Variants in LRBA observed in about 807,000 individuals in gnomAD.
LRBA encodes the protein lipopolysaccharide-responsive and beige-like anchor protein.
In LRBA, 176 loss-of-function variants were observed where a neutral mutation model predicts 330.0. The observed-to-expected ratio is 0.53, with a 90% CI of 0.47 to 0.60. The LOEUF is 0.60. Ranked by LOEUF, LRBA falls within the 20% of genes least tolerant of loss-of-function variation. LRBA has a pLI of 0.00. For missense variants in LRBA, 3,259 were observed against 3,444.8 expected, an observed-to-expected ratio of 0.95 and a Z score of 1.35; for synonymous variants, 1,230 against 1,193.0, an observed-to-expected ratio of 1.03 and a Z score of -0.64.
At chr4:150,630,548 T>C (rs930414306) in intron 37 of LRBA, among the ~76,000 whole-genome samples, 1 of 150,362 alleles carries the variant, frequency 6.7e-6, no homozygotes, top group Non-Finnish European at 1.5e-5. Context: ...ACACATACTG[T>C]AGTTTATGTC....
At chr4:150,680,955 A>G (rs531324621) in intron 37 of LRBA, among the ~76,000 whole-genome samples, 21 of 152,332 alleles carry the variant, frequency 1.4e-4, no homozygotes, top group African/African-American at 4.6e-4. Flanking sequence ...CCATGGCTAC[A>G]AGCAAATTAC....
chr4:150,592,035 G>C (rs1179590065), intron 38 of LRBA, among the ~76,000 whole-genome samples: 1 of 150,238 alleles, frequency 6.7e-6, no homozygotes, highest in Non-Finnish European at 1.5e-5. Context: ...ATAAGGGAAA[G>C]TTAAGAATCT....
At chr4:150,529,348 G>A (rs893894739) in intron 40 of LRBA, among the ~76,000 whole-genome samples, 1 of 152,120 alleles carries the variant, frequency 6.6e-6, no homozygotes, top group South Asian at 2.1e-4. Context: ...CAAGTATTTT[G>A]TTAATTAGGA....
At chr4:150,489,597 G>T (rs1416074853) in intron 41 of LRBA, among the ~76,000 whole-genome samples, 2 of 54,666 alleles carry the variant, frequency 3.7e-5, no homozygotes, top group African/African-American at 5.7e-5. Context: ...TATTATATAA[G>T]AATATATAAT....
chr4:150,836,865 T>C (rs1325129091), intron 28 of LRBA, among the ~76,000 whole-genome samples: 1 of 152,244 alleles, frequency 6.6e-6, no homozygotes, highest in African/African-American at 2.4e-5. Context: ...CTTGCTTCTC[T>C]AATTATTTTA....
intron 47 of LRBA, among the ~76,000 whole-genome samples, chr4:150,410,903 A>C (rs1746895409): frequency 6.6e-6 from 1 of 152,170 alleles, no homozygotes; most frequent in African/African-American, 2.4e-5. Flanking sequence ...AAGAGGCAGT[A>C]TAATATGTAG....
intron 22 of LRBA, among the ~76,000 whole-genome samples, chr4:150,860,247 T>A (rs181340011): frequency 6.6e-6 from 1 of 152,152 alleles, no homozygotes; most frequent in Non-Finnish European, 1.5e-5. Flanking sequence ...GGTGAACAAA[T>A]GTAAGAACCA....
In LRBA at chr4:150,798,111, A is replaced by G. The variant is rs1129998; in HGVS notation, c.5550T>C (p.Val1850=). ...SLVCMKSSSS[V]VELVMLLCSQ... ...AACACAGTAGCATAACCAATTCCAC[A>G]ACTGAACTACTCGACTTCATGCAAA... Residue 1850 remains valine (V), a synonymous_variant, in exon 34 of 57, where the codon GTT becomes GTC. Coordinates refer to ENST00000651943, the MANE Select transcript of LRBA (RefSeq NM_001364905.1). 350,127 of 1,603,866 alleles carry G rather than the reference A, an allele frequency of 0.22. 41,972 individuals carry two copies. Among genetic ancestry groups the G allele is most frequent in the Non-Finnish European group, 0.24 (286,700 of 1,171,022 alleles).
chr4:150,916,981 G>A (rs772794904), intron 5 of LRBA, among the ~76,000 whole-genome samples: 14 of 152,008 alleles, frequency 9.2e-5, no homozygotes, highest in Admixed American at 5.2e-4. Flanking sequence ...GTGAAACCCC[G>A]TCTCTACTAA....
chr4:150,493,009 C>T (rs1266753912), intron 40 of LRBA, among the ~76,000 whole-genome samples: 1 of 152,198 alleles, frequency 6.6e-6, no homozygotes, highest in East Asian at 1.9e-4. Flanking sequence ...AAGACAGGGT[C>T]TTACTCTGTC....
Position 150,956,679 on chromosome 4 carries a change from A to G in LRBA, c.217-27614T>C, listed in dbSNP as rs201329427. Among the ~76,000 whole-genome samples, 33 of 149,450 alleles carry G rather than the reference A, an allele frequency of 2.2e-4. 1 individual carries two copies. In the East Asian group the frequency reaches 6.2e-3, roughly 28 times the overall value. On this transcript the variant is annotated intron_variant, in intron 2 of 56. Coordinates refer to ENST00000651943, the MANE Select transcript of LRBA (RefSeq NM_001364905.1). ...GAACATATAAAAACAGTTATACACT[A>G]TGACTAAATGAGATTTATTCCAGGA...
At chr4:150,372,903 T>C (rs1450010258) in intron 47 of LRBA, among the ~76,000 whole-genome samples, 1 of 151,610 alleles carries the variant, frequency 6.6e-6, no homozygotes, top group East Asian at 1.9e-4. Context: ...AGACTAGTCA[T>C]AAAAGATATT....
At chr4:150,804,056 C>A (rs1174372884) in intron 33 of LRBA, among the ~76,000 whole-genome samples, 2 of 151,586 alleles carry the variant, frequency 1.3e-5, no homozygotes, top group African/African-American at 2.4e-5. Flanking sequence ...AGTTGTTACA[C>A]CATTTAAAAA....
rs1384014823 is a variant in LRBA at position 150,516,215 on chromosome 4, C to CTTTTTTTTTTTTTTTTTTT, written c.6331-25181_6331-25180insAAAAAAAAAAAAAAAAAAA. Among the ~76,000 whole-genome samples the CTTTTTTTTTTTTTTTTTTT allele has an allele frequency of 4.6e-4, 40 of 86,674 alleles. 19 individuals are homozygous for CTTTTTTTTTTTTTTTTTTT. Among genetic ancestry groups the CTTTTTTTTTTTTTTTTTTT allele is most frequent in the Non-Finnish European group, 5.5e-4 (25 of 45,152 alleles). The allele number at this position is 86,674 out of a possible 152,430, so 56.9% of individuals were successfully genotyped here. A position where few individuals can be genotyped will look rare whatever the true frequency, so the allele number is the denominator to read the frequency against. On this transcript the variant is annotated intron_variant, in intron 40 of 56. Transcript: ENST00000651943. ...GTAATTCAGTCTGACATTTTCTATT[C>CTTTTTTTTTTTTTTTTTTT]TCTTTTTTTTTTTTTTTTTTTTTTT...
At chr4:150,364,235 C>T (rs185534266) in intron 47 of LRBA, among the ~76,000 whole-genome samples, 74 of 152,290 alleles carry the variant, frequency 4.9e-4, no homozygotes, top group African/African-American at 1.7e-3. Context: ...ACTAAACAAC[C>T]ACCACCACAC....
chr4:150,861,273 GT>G (rs1751900842), intron 22 of LRBA, among the ~76,000 whole-genome samples: 1 of 110,188 alleles, frequency 9.1e-6, no homozygotes. Context: ...AGCTAATGGT[GT>G]GTGTGTGTGT....
At chr4:150,698,099 G>C (rs1161956903) in intron 36 of LRBA, among the ~76,000 whole-genome samples, 2 of 151,982 alleles carry the variant, frequency 1.3e-5, no homozygotes, top group Non-Finnish European at 2.9e-5. Context: ...TAAAATGCTT[G>C]GTCTTATATT....
At chr4:150,697,332 A>C (rs1055313286) in intron 36 of LRBA, among the ~76,000 whole-genome samples, 1 of 142,658 alleles carries the variant, frequency 7.0e-6, no homozygotes, top group African/African-American at 2.7e-5. Flanking sequence ...TCAGAAAAAA[A>C]AAAAAAAAAA....
chr4:150,486,255 C>G (rs1477618091), intron 42 of LRBA, among the ~76,000 whole-genome samples: 1 of 151,444 alleles, frequency 6.6e-6, no homozygotes, highest in Non-Finnish European at 1.5e-5. Context: ...AAAAAAATAC[C>G]TACTGCAAAA....
Sources: allele counts gnomAD v4.1 joint callset (sites outside exome capture counted in the v4.1 genomes callset), GRCh38; gene constraint gnomAD v4.1.1; transcripts MANE v1.5; gene names NCBI Gene and HGNC (gene_info 2026-07-23, HGNC 2026-07-21).